The following SGMS1 variants were observed in gnomAD, a reference collection of about 807,000 sequenced individuals.
The protein encoded by SGMS1 is sphingomyelin synthase 1.
Under a neutral mutation model 46.2 loss-of-function variants are expected in SGMS1, and 13 were observed. The observed-to-expected ratio is 0.28, with a 90% CI of 0.18 to 0.45. SGMS1 has a LOEUF of 0.45. Among genes scored for constraint, SGMS1 ranks in the 20% least tolerant of loss-of-function variants. The pLI is 1.00. For synonymous variants in SGMS1, 203 were observed against 187.8 expected (o/e 1.08, Z -0.66); for missense variants, 324 against 519.9 (o/e 0.62, Z 3.66).
intron 1 of SGMS1, among the ~76,000 whole-genome samples, chr10:50,608,493 C>T (rs1445187551): frequency 2.0e-5 from 3 of 152,130 alleles, no homozygotes; most frequent in African/African-American, 4.8e-5. Flanking sequence ...TTTCAGGGGA[C>T]GCTACTCAGT....
chr10:50,517,861 G>A (rs914454335), intron 3 of SGMS1, among the ~76,000 whole-genome samples: 1 of 152,070 alleles, frequency 6.6e-6, no homozygotes, highest in South Asian at 2.1e-4. Flanking sequence ...ATGGACAATG[G>A]AACAGTATGT....
chr10:50,341,761 C>T (rs1847825092), intron 7 of SGMS1, among the ~76,000 whole-genome samples: 1 of 151,946 alleles, frequency 6.6e-6, no homozygotes, highest in African/African-American at 2.4e-5. Flanking sequence ...ATATAAATGA[C>T]TACAGTATTG....
intron 6 of SGMS1, among the ~76,000 whole-genome samples, chr10:50,355,775 T>A (rs1324531774): frequency 1.4e-5 from 2 of 144,536 alleles, no homozygotes; most frequent in East Asian, 4.2e-4. Context: ...GGCTGCCCAG[T>A]CTGGGAAGTG....
rs1163232149 is a variant in SGMS1, at chr10:50,493,922, C to T, written c.-498+25909G>A. Among the ~76,000 whole-genome samples the T allele has an allele frequency of 5.9e-5, 9 of 152,142 alleles. No individual in the cohort carries two copies. The South Asian group carries it at 1.2e-3, about 21-fold the overall frequency. On this transcript the variant is annotated intron_variant, in intron 3 of 10. Transcript: ENST00000361781. Reference sequence around the variant, plus strand: ...AAGTGATTCTCCTGCCTCAGCGTCCCGTGTAACTGGAATTACAGTTGTGTG... The same window carrying T: ...AAGTGATTCTCCTGCCTCAGCGTCCTGTGTAACTGGAATTACAGTTGTGTG...
intron 6 of SGMS1, among the ~76,000 whole-genome samples, chr10:50,361,284 C>T (rs570789026): frequency 6.6e-6 from 1 of 152,188 alleles, no homozygotes; most frequent in South Asian, 2.1e-4. Flanking sequence ...AACAGACGAA[C>T]GAGGTCACCC....
At chr10:50,614,393 G>C (rs1003581795) in intron 1 of SGMS1, among the ~76,000 whole-genome samples, 1 of 152,142 alleles carries the variant, frequency 6.6e-6, no homozygotes, top group Non-Finnish European at 1.5e-5. Context: ...GAGGCGGAAG[G>C]CACTTCCAAT....
intron 2 of SGMS1, among the ~76,000 whole-genome samples, chr10:50,521,693 T>G (rs910641577): frequency 6.6e-6 from 1 of 152,200 alleles, no homozygotes; most frequent in African/African-American, 2.4e-5. Flanking sequence ...ATCTCTATTT[T>G]GACTTTCATG....
intron 2 of SGMS1, among the ~76,000 whole-genome samples, chr10:50,569,942 G>A (rs953541560): frequency 6.6e-6 from 1 of 152,158 alleles, no homozygotes; most frequent in Non-Finnish European, 1.5e-5. Context: ...GCAGGCCACG[G>A]TGACAATAAT....
chr10:50,309,555 C>T (rs1364334811), intron 9 of SGMS1, among the ~76,000 whole-genome samples: 1 of 152,154 alleles, frequency 6.6e-6, no homozygotes, highest in Non-Finnish European at 1.5e-5. Context: ...GGAATCCCTC[C>T]CCCAGGGGTG....
intron 6 of SGMS1, among the ~76,000 whole-genome samples, chr10:50,407,682 T>C (rs7086029): frequency 0.17 from 25,305 of 151,668 alleles, 2,597 homozygotes; most frequent in East Asian, 0.26. Flanking sequence ...CCAGTTACAA[T>C]AGAATGGGTG....
intron 2 of SGMS1, among the ~76,000 whole-genome samples, chr10:50,566,714 C>T (rs375224549): frequency 2.6e-5 from 4 of 152,282 alleles, no homozygotes; most frequent in Admixed American, 2.0e-4. Flanking sequence ...ATACACAGTA[C>T]GGTGGTCCCT....
intron 1 of SGMS1, among the ~76,000 whole-genome samples, chr10:50,597,493 T>C (rs745749563): frequency 1.5e-4 from 23 of 152,206 alleles, no homozygotes; most frequent in Admixed American, 2.0e-4. Context: ...GTCAAATGCA[T>C]TATGCTAAGT....
intron 2 of SGMS1, among the ~76,000 whole-genome samples, chr10:50,584,921 C>T (rs1214387527): frequency 2.0e-5 from 3 of 152,190 alleles, no homozygotes; most frequent in African/African-American, 7.2e-5. Flanking sequence ...GTTTGACTTG[C>T]TTCCTTTACA....
rs1420094870 is a variant in SGMS1, at chr10:50,307,979, C to T, written c.1062+3G>A. On this transcript the variant is annotated splice_donor_region_variant and intron_variant, in intron 10 of 10. Coordinates refer to ENST00000361781, the MANE Select transcript of SGMS1 (RefSeq NM_147156.4). This position sits in a 1 kb window ranked among gnomAD's most constrained non-coding sequence, Gnocchi z 4.2. ...AGCTAAAATCAAAAGCGGGGAAACTCACTTGCTGATTGGCCATAGTGTGAT... is the reference window on the plus strand; with the variant it reads ...AGCTAAAATCAAAAGCGGGGAAACTTACTTGCTGATTGGCCATAGTGTGAT... 1.9e-6 allele frequency: 3 copies of T among 1,613,398 alleles called. No individual in the cohort carries two copies. Among genetic ancestry groups the T allele is most frequent in the Non-Finnish European group, 2.5e-6 (3 of 1,179,794 alleles).
intron 2 of SGMS1, among the ~76,000 whole-genome samples, chr10:50,539,459 T>C (rs1409645112): frequency 6.6e-6 from 1 of 152,276 alleles, no homozygotes; most frequent in African/African-American, 2.4e-5. Context: ...GGTCGGTGAA[T>C]GAGCCATCTT....
chr10:50,518,924 A>T (rs1837833165), intron 3 of SGMS1, among the ~76,000 whole-genome samples: 1 of 152,204 alleles, frequency 6.6e-6, no homozygotes, highest in African/African-American at 2.4e-5. Flanking sequence ...GATGACAATG[A>T]TATACTATTT....
chr10:50,517,022 T>A (rs1837812599), intron 3 of SGMS1, among the ~76,000 whole-genome samples: 1 of 152,162 alleles, frequency 6.6e-6, no homozygotes, highest in African/African-American at 2.4e-5. Flanking sequence ...AGTTTCAGCA[T>A]GGTGGAGAAA....
At chr10:50,359,822 T>C (rs1476857759) in intron 6 of SGMS1, among the ~76,000 whole-genome samples, 1 of 152,178 alleles carries the variant, frequency 6.6e-6, no homozygotes, top group Non-Finnish European at 1.5e-5. Flanking sequence ...TATAGCTTTG[T>C]CACATAAACA....
intron 6 of SGMS1, among the ~76,000 whole-genome samples, chr10:50,401,324 T>C (rs1294629044): frequency 6.6e-6 from 1 of 152,246 alleles, no homozygotes; most frequent in Admixed American, 6.5e-5. Context: ...AACACATTTG[T>C]TGAGTGATTA....
Sources: gnomAD v4.1 joint callset for allele counts (sites outside exome capture counted in the v4.1 genomes callset) on GRCh38, gnomAD v4.1.1 for gene constraint, Gnocchi (gnomAD v3.1) non-coding constraint, MANE v1.5 for transcripts, NCBI Gene and HGNC (gene_info 2026-07-23, HGNC 2026-07-21) for gene names.